TRMT11: variants seen among roughly 807,000 people sequenced by gnomAD.
The protein encoded by TRMT11 is tRNA (guanine(10)-N(2))-methyltransferase TRMT11.
TRMT11 carries 53 observed loss-of-function variants against 62.8 expected under a neutral mutation model. The ratio of observed to expected loss-of-function variants is 0.84; its 90% CI spans 0.68 to 1.06. The LOEUF is 1.06. Among genes scored for constraint, TRMT11 ranks in the 50% least tolerant of loss-of-function variants. The pLI is 0.00. For synonymous variants in TRMT11, 188 were observed against 190.3 expected (o/e 0.99, Z 0.10); for missense variants, 556 against 553.4 (o/e 1.00, Z -0.05).
At chr6:126,058,624 A>G (rs929342437) in intron 17 of TRMT11, among the ~76,000 whole-genome samples, 1 of 152,204 alleles carries the variant, frequency 6.6e-6, no homozygotes. Flanking sequence ...CAAAAAATCA[A>G]TGAATCCAGG....
At chr6:126,241,080 T>C in the TRMT11 span, among the ~76,000 whole-genome samples, 23 of 152,326 alleles carry the variant, frequency 1.5e-4, no homozygotes, top group East Asian at 4.3e-3. Flanking sequence ...AGGGTGGAAA[T>C]GACCTGATTT....
chr6:126,034,502 T>A (rs1315017568), intron 12 of TRMT11, among the ~76,000 whole-genome samples: 23 of 152,148 alleles, frequency 1.5e-4, no homozygotes, highest in Non-Finnish European at 2.9e-5. Flanking sequence ...ACTCTTCTGA[T>A]TATAAAAAAT....
intron 17 of TRMT11, among the ~76,000 whole-genome samples, chr6:126,107,999 G>A (rs1004072184): frequency 1.3e-5 from 2 of 152,116 alleles, no homozygotes; most frequent in African/African-American, 2.4e-5. Context: ...ATATGTCCTC[G>A]ACACAGCTTA....
the TRMT11 span, among the ~76,000 whole-genome samples, chr6:126,245,806 A>T: frequency 6.6e-6 from 1 of 152,134 alleles, no homozygotes; most frequent in African/African-American, 2.4e-5. Flanking sequence ...ATTACCAAAA[A>T]ACCGTTATAG....
intron 21 of TRMT11, among the ~76,000 whole-genome samples, chr6:126,162,104 CT>C (rs1205743862): frequency 1.3e-5 from 2 of 152,126 alleles, no homozygotes; most frequent in Non-Finnish European, 2.9e-5. Flanking sequence ...GTTGCCGTTG[CT>C]TTTGGTGTTT....
rs975152377 is a variant in TRMT11 at position 126,104,865 on chromosome 6, T to C, written c.*1438-8001T>C. 5.9e-5 allele frequency among the ~76,000 whole-genome samples: 9 copies of C among 152,202 alleles called. No homozygotes were observed. The East Asian group carries it at 7.7e-4, about 13-fold the overall frequency. On this transcript the variant is annotated intron_variant and NMD_transcript_variant, in intron 17 of 22. Transcript: ENST00000648977. The stretch of plus-strand genomic sequence containing the variant: ...TTTCATTGAAACCTAATGATAAAGA[T>C]ATTATCCTATTGATGGGACAAATTG...
the TRMT11 span, among the ~76,000 whole-genome samples, chr6:126,256,586 A>T: frequency 6.6e-6 from 1 of 152,216 alleles, no homozygotes; most frequent in Non-Finnish European, 1.5e-5. Context: ...TTGCATCTCA[A>T]ATCCACTCAA....
intron 17 of TRMT11, among the ~76,000 whole-genome samples, chr6:126,099,495 A>G (rs1777374008): frequency 6.6e-6 from 1 of 152,190 alleles, no homozygotes; most frequent in Admixed American, 6.5e-5. Flanking sequence ...ACTCTGATCT[A>G]CTTCATGGAT....
intron 1 of TRMT11, among the ~76,000 whole-genome samples, chr6:126,197,852 C>G (rs1460499298): frequency 1.3e-5 from 2 of 152,058 alleles, no homozygotes; most frequent in Non-Finnish European, 2.9e-5. Flanking sequence ...CTCAGCTCTC[C>G]CAAGGTGAAA....
the TRMT11 span, among the ~76,000 whole-genome samples, chr6:126,214,746 C>A: frequency 6.6e-6 from 1 of 151,642 alleles, no homozygotes; most frequent in Non-Finnish European, 1.5e-5. Flanking sequence ...TCACTCTGAT[C>A]TTTATTATTT....
chr6:126,084,125 G>A (rs1268605014), intron 17 of TRMT11, among the ~76,000 whole-genome samples: 4 of 152,100 alleles, frequency 2.6e-5, no homozygotes, highest in African/African-American at 7.2e-5. Flanking sequence ...AGATTGCTGG[G>A]TCATATAGTA....
chr6:126,135,874 A>G (rs749939779), intron 21 of TRMT11, among the ~76,000 whole-genome samples: 8 of 151,922 alleles, frequency 5.3e-5, no homozygotes, highest in Non-Finnish European at 1.2e-4. Flanking sequence ...CAACAGAATC[A>G]AGGACAAAAT....
intron 17 of TRMT11, among the ~76,000 whole-genome samples, chr6:126,106,689 G>A (rs1048636826): frequency 2.0e-5 from 3 of 152,034 alleles, no homozygotes; most frequent in Admixed American, 6.6e-5. Context: ...TGTAGAATGG[G>A]GGATAATAAT....
At chr6:126,178,054 C>T (rs113719114) in intron 1 of TRMT11, among the ~76,000 whole-genome samples, 1,653 of 152,154 alleles carry the variant, frequency 0.011, 35 homozygotes, top group African/African-American at 0.037. Context: ...ATTTCAAGAG[C>T]GATCTTATGT....
chr6:126,193,411 C>A (rs1166458106), intron 1 of TRMT11, among the ~76,000 whole-genome samples: 1 of 151,044 alleles, frequency 6.6e-6, no homozygotes. Context: ...TTTCCTTCTA[C>A]TAACCATTAT....
At chr6:126,213,404 CAT>C in the TRMT11 span, among the ~76,000 whole-genome samples, 4 of 152,148 alleles carry the variant, frequency 2.6e-5, no homozygotes, top group South Asian at 6.2e-4. Context: ...AATCCAAGAA[CAT>C]AGAATATCTT....
At position 126,145,810 on chromosome 6, in the gene TRMT11, A is replaced by T. The variant is rs1562333278; in HGVS notation, c.*1824-29015A>T. The stretch of plus-strand genomic sequence containing the variant: ...TCCCATTCAGCTGAGCTAAAATTAA[A>T]TTTTAAATTTTTGTTTAAGCTCCTT... On this transcript the variant is annotated intron_variant and NMD_transcript_variant, in intron 21 of 22. Transcript: ENST00000648977. Among the ~76,000 whole-genome samples, 3 of 152,144 alleles carry T rather than the reference A, an allele frequency of 2.0e-5. No homozygotes were observed. The South Asian group carries it at 6.2e-4, about 32-fold the overall frequency.
chr6:126,026,138 A>G (rs2128011474), intron 12 of TRMT11, among the ~76,000 whole-genome samples: 1 of 152,290 alleles, frequency 6.6e-6, no homozygotes. Context: ...CACTTTTATA[A>G]TGCATTATTG....
rs528274186 is a variant in TRMT11, at chr6:126,037,617, G to C, written c.1261-1088G>C. Reference sequence around the variant, plus strand: ...GCATGTTTAATTTTTGATAATCTGGGTTTTTGGTGTGATTTTAAAAATATA... The same window carrying C: ...GCATGTTTAATTTTTGATAATCTGGCTTTTTGGTGTGATTTTAAAAATATA... On this transcript the variant is annotated intron_variant, in intron 12 of 12. Coordinates refer to ENST00000334379, the MANE Select transcript of TRMT11 (RefSeq NM_001031712.3). Among the ~76,000 whole-genome samples the C allele has an allele frequency of 2.0e-5, 3 of 151,988 alleles. No homozygotes were observed. The East Asian group carries it at 5.8e-4, about 29-fold the overall frequency.
Sources: gnomAD v4.1 joint callset for allele counts (sites outside exome capture counted in the v4.1 genomes callset) on GRCh38, gnomAD v4.1.1 for gene constraint, MANE v1.5 for transcripts, NCBI Gene and HGNC (gene_info 2026-07-23, HGNC 2026-07-21) for gene names.